The following KIF6 variants were observed in gnomAD, a reference collection of about 807,000 sequenced individuals.
The protein encoded by KIF6 is kinesin-like protein KIF6.
Under a neutral mutation model 112.7 loss-of-function variants are expected in KIF6, and 106 were observed. The ratio of observed to expected loss-of-function variants is 0.94; its 90% CI spans 0.80 to 1.11. KIF6 has a LOEUF of 1.11. Among genes scored for constraint, KIF6 ranks in the 50% least tolerant of loss-of-function variants. The pLI is 0.00. For missense variants in KIF6, 929 were observed against 964.0 expected (o/e 0.96, Z 0.48); for synonymous variants, 339 against 339.9 (o/e 1.00, Z 0.03).
intron 5 of KIF6, among the ~76,000 whole-genome samples, chr6:39,622,717 A>C (rs1255967600): frequency 6.6e-6 from 1 of 152,334 alleles, no homozygotes; most frequent in African/African-American, 2.4e-5. Flanking sequence ...GTCAGTGACA[A>C]ATAAGTGAAA....
intron 3 of KIF6, among the ~76,000 whole-genome samples, chr6:39,679,175 C>T (rs1176586249): frequency 1.3e-5 from 2 of 152,162 alleles, no homozygotes; most frequent in Non-Finnish European, 1.5e-5. Flanking sequence ...CAAAAGGAAG[C>T]CATCATTTAA....
intron 19 of KIF6, among the ~76,000 whole-genome samples, chr6:39,355,115 G>A (rs1245002754): frequency 1.3e-5 from 2 of 152,180 alleles, no homozygotes; most frequent in African/African-American, 2.4e-5. Context: ...GAGCCCAGGA[G>A]GTCGAGGCTG....
At chr6:39,724,642 A>G (rs1006121145) in intron 1 of KIF6, among the ~76,000 whole-genome samples, 3 of 152,204 alleles carry the variant, frequency 2.0e-5, no homozygotes, top group South Asian at 4.1e-4. Flanking sequence ...GCATCTACCT[A>G]TATCTATTAA....
intron 3 of KIF6, among the ~76,000 whole-genome samples, chr6:39,650,229 C>T (rs1050162241): frequency 1.3e-5 from 2 of 152,296 alleles, no homozygotes; most frequent in Non-Finnish European, 1.5e-5. Flanking sequence ...GCTTCACATC[C>T]ATAAGTTCAT....
At chr6:39,537,876 C>T (rs370622890) in intron 13 of KIF6, among the ~76,000 whole-genome samples, 26 of 152,264 alleles carry the variant, frequency 1.7e-4, no homozygotes, top group South Asian at 2.1e-4. Context: ...GAGATATAGA[C>T]CAATGGAACA....
intron 16 of KIF6, among the ~76,000 whole-genome samples, chr6:39,363,647 T>C (rs1187109035): frequency 6.6e-6 from 1 of 152,226 alleles, no homozygotes; most frequent in Admixed American, 6.5e-5. Context: ...ACAGCCCTGC[T>C]TTTTACTCTA....
At chr6:39,480,055 C>T (rs529811836) in intron 13 of KIF6, among the ~76,000 whole-genome samples, 46 of 152,258 alleles carry the variant, frequency 3.0e-4, no homozygotes, top group Non-Finnish European at 5.7e-4. Flanking sequence ...TTTCTCTGGT[C>T]TGATTGCTCT....
chr6:39,357,166 G>A (rs1172597537), intron 19 of KIF6, 111 bp downstream of exon 19: 1 of 668,560 alleles, frequency 1.5e-6, no homozygotes, highest in Non-Finnish European at 2.6e-6. Flanking sequence ...AATTAATCCT[G>A]CTGGATCATA....
At chr6:39,575,721 G>A (rs1417901056) in intron 10 of KIF6, among the ~76,000 whole-genome samples, 2 of 152,176 alleles carry the variant, frequency 1.3e-5, no homozygotes, top group African/African-American at 4.8e-5. Flanking sequence ...GGGCTCAGGA[G>A]TTCACAGGAC....
chr6:39,344,628 CCT>C (rs1385645746), intron 21 of KIF6, among the ~76,000 whole-genome samples: 6 of 152,106 alleles, frequency 3.9e-5, no homozygotes, highest in Non-Finnish European at 8.8e-5. Context: ...CCTTCTCTAT[CCT>C]CTTACCACCA....
chr6:39,525,936 G>A (rs965234362), intron 13 of KIF6, among the ~76,000 whole-genome samples: 3 of 152,066 alleles, frequency 2.0e-5, no homozygotes, highest in African/African-American at 7.2e-5. Flanking sequence ...AATGTTGGTC[G>A]GGATTCTACT....
At chr6:39,688,572 G>A (rs1468705703) in intron 3 of KIF6, among the ~76,000 whole-genome samples, 2 of 151,978 alleles carry the variant, frequency 1.3e-5, no homozygotes, top group Non-Finnish European at 2.9e-5. Flanking sequence ...TGGCCCAGGA[G>A]AAAAGAATGA....
chr6:39,375,446 G>A (rs537797323), intron 16 of KIF6, among the ~76,000 whole-genome samples: 43 of 152,230 alleles, frequency 2.8e-4, no homozygotes, highest in African/African-American at 9.6e-4. Flanking sequence ...ACATCACAAT[G>A]TACCCCCAAA....
At chr6:39,455,649 A>G (rs952352388) in intron 13 of KIF6, among the ~76,000 whole-genome samples, 2 of 148,268 alleles carry the variant, frequency 1.3e-5, no homozygotes, top group Non-Finnish European at 3.0e-5. Flanking sequence ...GTATAACTAG[A>G]ATAACCAATA....
intron 13 of KIF6, among the ~76,000 whole-genome samples, chr6:39,442,307 C>G (rs1162874107): frequency 6.6e-6 from 1 of 152,226 alleles, no homozygotes; most frequent in Non-Finnish European, 1.5e-5. Flanking sequence ...AAAATGGCAG[C>G]TGCTCTGGGG....
intron 3 of KIF6, among the ~76,000 whole-genome samples, chr6:39,662,911 C>CT (rs1360824121): frequency 0.015 from 2,130 of 145,262 alleles, 42 homozygotes; most frequent in African/African-American, 0.046. Context: ...TTCTCTCTCT[C>CT]TTTTTTTTTT....
At chr6:39,675,922 C>T (rs1473064793) in intron 3 of KIF6, among the ~76,000 whole-genome samples, 1 of 151,502 alleles carries the variant, frequency 6.6e-6, no homozygotes, top group Non-Finnish European at 1.5e-5. Context: ...AGAAACTACT[C>T]AAAATGCAAG....
intron 16 of KIF6, among the ~76,000 whole-genome samples, chr6:39,382,788 G>T (rs993081029): frequency 2.0e-5 from 3 of 152,060 alleles, no homozygotes; most frequent in Admixed American, 2.0e-4. Context: ...CCCACCAGCA[G>T]TGTATAAATA....
At chr6:39,429,715 T>A (rs1377196567) in intron 14 of KIF6, among the ~76,000 whole-genome samples, 1 of 152,164 alleles carries the variant, frequency 6.6e-6, no homozygotes, top group African/African-American at 2.4e-5. Context: ...GAGACCATCG[T>A]GGCTAACACA....
Sources: allele counts gnomAD v4.1 joint callset (sites outside exome capture counted in the v4.1 genomes callset), GRCh38; gene constraint gnomAD v4.1.1; transcripts MANE v1.5; gene names NCBI Gene and HGNC (gene_info 2026-07-23, HGNC 2026-07-21).